The following PPARGC1A variants were observed in gnomAD, a reference collection of about 807,000 sequenced individuals.
PPARGC1A encodes the protein PPARG coactivator 1 alpha, also known as peroxisome proliferator-activated receptor gamma coactivator 1-alpha.
Under a neutral mutation model 88.7 loss-of-function variants are expected in PPARGC1A, and 25 were observed. The ratio of observed to expected loss-of-function variants is 0.28; its 90% confidence interval spans 0.21 to 0.39. PPARGC1A has a LOEUF of 0.39. Among genes scored for constraint, PPARGC1A ranks in the 10% least tolerant of loss-of-function variants. PPARGC1A has a pLI of 1.00. For missense variants in PPARGC1A, 880 were observed against 968.7 expected, an observed-to-expected ratio of 0.91 and a Z score of 1.22; for synonymous variants, 363 against 355.6, an observed-to-expected ratio of 1.02 and a Z score of -0.24.
chr4:24,130,089 G>A, the PPARGC1A span, among the ~76,000 whole-genome samples: 1 of 152,084 alleles, frequency 6.6e-6, no homozygotes, highest in African/African-American at 2.4e-5. Flanking sequence ...CATGGCAAAT[G>A]TATACATATG....
At chr4:23,868,643 G>A (rs576045930) in intron 2 of PPARGC1A, among the ~76,000 whole-genome samples, 3 of 152,156 alleles carry the variant, frequency 2.0e-5, no homozygotes, top group Non-Finnish European at 2.9e-5. Context: ...AGGCCTTAAC[G>A]AAAGAAAAAG....
chr4:24,203,509 A>G, the PPARGC1A span, among the ~76,000 whole-genome samples: 6 of 152,250 alleles, frequency 3.9e-5, no homozygotes, highest in African/African-American at 1.4e-4. Context: ...CAGAAATAAC[A>G]AACTATTTGA....
chr4:24,151,602 A>T, the PPARGC1A span, among the ~76,000 whole-genome samples: 2 of 152,194 alleles, frequency 1.3e-5, no homozygotes, highest in Non-Finnish European at 2.9e-5. Context: ...CACTGTTCTA[A>T]GTTCTTTATA....
chr4:24,471,333 C>T, the PPARGC1A span, among the ~76,000 whole-genome samples: 1 of 150,590 alleles, frequency 6.6e-6, no homozygotes, highest in Non-Finnish European at 1.5e-5. This position sits in a 1 kb window ranked among gnomAD's most constrained non-coding sequence, Gnocchi z 5.4. Context: ...CACACACAGA[C>T]ACACACCCGC....
the PPARGC1A span, among the ~76,000 whole-genome samples, chr4:24,222,257 A>G: frequency 6.6e-6 from 1 of 152,232 alleles, no homozygotes; most frequent in African/African-American, 2.4e-5. Context: ...CCTTCTGTCC[A>G]CACTGCTGTG....
At chr4:23,980,719 T>C in the PPARGC1A span, among the ~76,000 whole-genome samples, 10 of 152,004 alleles carry the variant, frequency 6.6e-5, no homozygotes, top group Admixed American at 1.3e-4. Context: ...CTCCACCACA[T>C]AGGATGGAGG....
At chr4:24,451,627 G>A in the PPARGC1A span, among the ~76,000 whole-genome samples, 1 of 152,076 alleles carries the variant, frequency 6.6e-6, no homozygotes, top group South Asian at 2.1e-4. Context: ...CGCCAGGCTG[G>A]AGTGCACTGG....
chr4:24,305,146 T>TATATATATAC, the PPARGC1A span, among the ~76,000 whole-genome samples: 2 of 148,886 alleles, frequency 1.3e-5, no homozygotes, highest in Admixed American at 6.8e-5. Context: ...TATATATATA[T>TATATATATAC]ATACATACAC....
At chr4:24,053,032 T>A in the PPARGC1A span, among the ~76,000 whole-genome samples, 1 of 146,492 alleles carries the variant, frequency 6.8e-6, no homozygotes, top group Admixed American at 6.8e-5. Context: ...CCCGGCTAAT[T>A]TTTTTTTTTT....
At chr4:23,903,986 A>T (rs1013108822), upstream of PPARGC1A, 3 of 945,466 alleles carry the variant, frequency 3.2e-6, no homozygotes, top group African/African-American at 5.3e-5. Context: ...ATGCCTCCTG[A>T]TACTCACTTT....
At chr4:23,863,824 G>A (rs1731675505) in intron 2 of PPARGC1A, among the ~76,000 whole-genome samples, 1 of 152,182 alleles carries the variant, frequency 6.6e-6, no homozygotes, top group African/African-American at 2.4e-5. Flanking sequence ...TCAGCTCACT[G>A]CAACCTCTGC....
At chr4:24,458,392 T>C in the PPARGC1A span, among the ~76,000 whole-genome samples, 1 of 152,098 alleles carries the variant, frequency 6.6e-6, no homozygotes, top group African/African-American at 2.4e-5. Flanking sequence ...TCCCAGCTAC[T>C]TGGGAGGCTG....
the PPARGC1A span, among the ~76,000 whole-genome samples, chr4:23,910,497 A>G: frequency 9.9e-5 from 14 of 141,358 alleles, no homozygotes; most frequent in Non-Finnish European, 1.8e-4. Flanking sequence ...CTGGAGCACA[A>G]TGGCACAATC....
the PPARGC1A span, among the ~76,000 whole-genome samples, chr4:24,017,078 C>T: frequency 2.0e-5 from 3 of 152,244 alleles, no homozygotes; most frequent in South Asian, 2.1e-4. Context: ...GGCAGAGCTG[C>T]GATGTATTGG....
chr4:23,967,562 A>G, the PPARGC1A span, among the ~76,000 whole-genome samples: 1 of 152,086 alleles, frequency 6.6e-6, no homozygotes, highest in Non-Finnish European at 1.5e-5. Context: ...GAATTTAAAA[A>G]TTTCCCATTA....
chr4:24,096,948 G>T, the PPARGC1A span, among the ~76,000 whole-genome samples: 1 of 152,102 alleles, frequency 6.6e-6, no homozygotes, highest in Non-Finnish European at 1.5e-5. Context: ...AATGGGTTAA[G>T]CCAGGCACAG....
At chr4:24,001,616 A>C in the PPARGC1A span, among the ~76,000 whole-genome samples, 4 of 152,206 alleles carry the variant, frequency 2.6e-5, no homozygotes, top group Non-Finnish European at 1.5e-5. Context: ...CAAGCTCACT[A>C]TAAAGCTCCT....
the PPARGC1A span, among the ~76,000 whole-genome samples, chr4:24,399,304 G>T: frequency 2.0e-5 from 3 of 152,126 alleles, no homozygotes; most frequent in Non-Finnish European, 4.4e-5. Context: ...CAGAATACCT[G>T]GGCAACCCAC....
intron 10 of PPARGC1A, among the ~76,000 whole-genome samples, chr4:23,804,718 A>G (rs764463450): frequency 1.3e-5 from 2 of 152,066 alleles, no homozygotes; most frequent in African/African-American, 4.8e-5. Flanking sequence ...CTGAGCTTCT[A>G]TTAGTCTAGT....
Sources: allele counts gnomAD v4.1 joint callset (sites outside exome capture counted in the v4.1 genomes callset), GRCh38; gene constraint gnomAD v4.1.1; non-coding constraint Gnocchi (gnomAD v3.1); transcripts MANE v1.5; gene names NCBI Gene and HGNC (gene_info 2026-07-23, HGNC 2026-07-21).